The following TMED1 variants were observed in gnomAD, a reference collection of about 807,000 sequenced individuals.
TMED1 encodes transmembrane p24 trafficking protein 1, also known as transmembrane emp24 domain-containing protein 1.
TMED1 carries 20 observed loss-of-function variants against 21.2 expected under a neutral mutation model. The observed-to-expected ratio is 0.95, with a 90% CI of 0.67 to 1.37. The LOEUF is 1.37. Ranked by LOEUF, TMED1 falls within the 40% of genes most tolerant of loss-of-function variation. The probability of loss-of-function intolerance (pLI) is 0.00; values close to 1 mark genes in which losing one functional copy is unlikely to be tolerated. For missense variants in TMED1, 316 were observed against 309.8 expected (o/e 1.02, Z -0.15); for synonymous variants, 149 against 134.7 (o/e 1.11, Z -0.74).
intron 3 of TMED1, 117 bp downstream of exon 3, chr19:10,834,808 GCTACTCTTA>G: frequency 8.8e-7 from 1 of 1,140,408 alleles, no homozygotes; most frequent in East Asian, 2.4e-5. Context: ...TTTAAGAGCT[GCTACTCTTA>G]CTATAATTCA....
rs1299877808 is a variant in TMED1, at chr19:10,832,417, G to A, written c.*578C>T. Reference sequence around the variant, plus strand: ...GGTCTGTCCTGGCTGGTGTCCCTGAGCCCCAATCAGCAGGCTCTTGTGATT... The same window carrying A: ...GGTCTGTCCTGGCTGGTGTCCCTGAACCCCAATCAGCAGGCTCTTGTGATT... On this transcript the variant is annotated 3_prime_UTR_variant, in exon 4 of 4. Transcript: ENST00000214869. 1.5e-5 allele frequency: 18 copies of A among 1,190,280 alleles called. No homozygotes were observed. Among genetic ancestry groups the A allele is most frequent in the Non-Finnish European group, 1.8e-5 (16 of 900,842 alleles). 73.7% of individuals were successfully genotyped at this position (1,190,280 alleles called of 1,614,324 possible).
chr19:10,835,077 C>G lies in TMED1; in HGVS notation c.322G>C (p.Asp108His). The change falls in exon 3 of 4, where the codon GAC becomes CAC. Residue 108 changes from aspartate (D) to histidine (H), a missense_variant. Asp to His is a moderately conservative substitution (Grantham distance 81). Coordinates refer to ENST00000214869, the MANE Select transcript of TMED1 (RefSeq NM_006858.4). ...TEAGDYKLCF[D>H]NSFSTISEKL... ...TCGGAGATGGTGCTGAAGGAGTTGT[C>G]AAAGCACAGCTTGTAGTCCCCGGCC... 1 of 1,614,208 alleles carries G rather than the reference C, an allele frequency of 6.2e-7. No individual in the cohort carries two copies. The highest frequency in any genetic ancestry group is 8.5e-7 in the Non-Finnish European group (1 of 1,180,030).
At chr19:10,834,101 A>C (rs905650631) in intron 3 of TMED1, among the ~76,000 whole-genome samples, 34 of 152,242 alleles carry the variant, frequency 2.2e-4, no homozygotes, top group Admixed American at 1.6e-3. Context: ...CAGAGGTTGC[A>C]GTGAGCTGAG....
In TMED1 at chr19:10,832,979, C is replaced by T. The variant is rs1310465239; in HGVS notation, c.*16G>A. On this transcript the variant is annotated 3_prime_UTR_variant, in exon 4 of 4. Transcript: ENST00000214869. ...GCTGCCCCTCCTTTGTCCCGTTCTTCCTTCCATGGCAGGGGCTACGTGGGC... is the reference window on the plus strand; with the variant it reads ...GCTGCCCCTCCTTTGTCCCGTTCTTTCTTCCATGGCAGGGGCTACGTGGGC... 8.1e-6 allele frequency: 13 copies of T among 1,609,074 alleles called. No homozygotes were observed. Among genetic ancestry groups the T allele is most frequent in the African/African-American group, 1.3e-5 (1 of 74,946 alleles).
intron 3 of TMED1, 106 bp from the exon 4 acceptor site, chr19:10,833,319 G>T: frequency 1.1e-6 from 1 of 912,016 alleles, no homozygotes; most frequent in Non-Finnish European, 1.7e-6. Context: ...ACCCTGGGAG[G>T]TACAGCTGCA....
rs758960945 is a variant in TMED1, at chr19:10,836,142, G to T, written c.50C>A (p.Pro17Gln). 8.9e-6 allele frequency: 14 copies of T among 1,565,334 alleles called. No homozygotes were observed. The highest frequency in any genetic ancestry group is 1.2e-5 in the Non-Finnish European group (14 of 1,156,300). Residue 17 changes from proline to glutamine, a missense_variant, in exon 1 of 4, where the codon CCA (proline) becomes CAA (glutamine). Transcript: ENST00000214869. ...CCCCGCCCCTCCCACCTCCACTGGT[G>T]GCATTAGTAGCCACAAGGCCAGGGC... Reference protein sequence around the residue: ...ALALALWLLMPPVEVGGAGPP... With the variant: ...ALALALWLLMQPVEVGGAGPP...
rs1253333543 is a variant in TMED1, at chr19:10,832,984, C to T, written c.*11G>A. 2 of 1,610,136 alleles carry T rather than the reference C, an allele frequency of 1.2e-6. No homozygotes were observed. The highest frequency in any genetic ancestry group is 1.7e-5 in the Admixed American group (1 of 60,016). On this transcript the variant is annotated 3_prime_UTR_variant, in exon 4 of 4. Coordinates refer to ENST00000214869, the MANE Select transcript of TMED1 (RefSeq NM_006858.4). ...CCCTCCTTTGTCCCGTTCTTCCTTC[C>T]ATGGCAGGGGCTACGTGGGCACCGG...
intron 1 of TMED1, chr19:10,835,755 TCA>T (rs979710267): frequency 5.0e-6 from 7 of 1,414,110 alleles, no homozygotes; most frequent in East Asian, 2.6e-5. Context: ...TCCTGTCCTC[TCA>T]GAGGCTCCCT....
At chr19:10,834,296 C>T (rs1490294984) in intron 3 of TMED1, among the ~76,000 whole-genome samples, 2 of 152,114 alleles carry the variant, frequency 1.3e-5, no homozygotes, top group Non-Finnish European at 2.9e-5. Context: ...CCGTGAGTTG[C>T]TCAGCCATCT....
chr19:10,835,682 C>T, intron 1 of TMED1: 1 of 1,401,966 alleles, frequency 7.1e-7, no homozygotes, highest in Non-Finnish European at 9.3e-7. Context: ...CCGAGAAAGG[C>T]CTGTGTGGGC....
intron 1 of TMED1, chr19:10,835,671 C>A: frequency 7.1e-7 from 1 of 1,400,030 alleles, no homozygotes; most frequent in African/African-American, 1.4e-5. Context: ...TAGTCTAACC[C>A]CCGAGAAAGG....
rs1401110690 is a variant in TMED1, at chr19:10,833,187, C to T, written c.492G>A (p.Arg164=). The T allele has an allele frequency of 6.2e-7, 1 of 1,613,480 alleles. No individual in the cohort carries two copies. Among genetic ancestry groups the T allele is most frequent in the Non-Finnish European group, 8.5e-7 (1 of 1,179,932 alleles). The change falls in exon 4 of 4, where the codon CGG becomes CGA. Residue 164 remains arginine (R), a synonymous_variant. Transcript: ENST00000214869. ...IKESIETMRT[R]LERSIQMLTL... is the part of the protein sequence containing the mutation. Reference sequence around the variant, plus strand: ...TGAGCATCTGGATGCTGCGCTCCAGCCGGGTCCGCATGGTCTCAATGGACT... The same window carrying T: ...TGAGCATCTGGATGCTGCGCTCCAGTCGGGTCCGCATGGTCTCAATGGACT...
Position 10,832,809 on chromosome 19 carries a change from C to A in TMED1, c.*186G>T. ...CCGTCGGTGCAGCCACTGAGCCGTCCCTTCTACAAGCCAGAGGTGTTCCCT... is the reference window on the plus strand; with the variant it reads ...CCGTCGGTGCAGCCACTGAGCCGTCACTTCTACAAGCCAGAGGTGTTCCCT... On this transcript the variant is annotated 3_prime_UTR_variant, in exon 4 of 4. Coordinates refer to ENST00000214869, the MANE Select transcript of TMED1 (RefSeq NM_006858.4). 1.5e-6 allele frequency: 1 copy of A among 656,718 alleles called. No homozygotes were observed. Among genetic ancestry groups the A allele is most frequent in the Non-Finnish European group, 2.6e-6 (1 of 386,134 alleles). 40.7% of individuals were successfully genotyped at this position (656,718 alleles called of 1,614,324 possible). A position where few individuals can be genotyped will look rare whatever the true frequency, so the allele number is the denominator to read the frequency against.
At chr19:10,835,203 T>G (rs1398845457) in intron 2 of TMED1, 53 bp downstream of exon 2, 11 of 1,612,376 alleles carry the variant, frequency 6.8e-6, no homozygotes, top group Non-Finnish European at 9.3e-6. Context: ...TGAGGCCGCC[T>G]GGGAAGGGCA....
rs377081726 is a variant in TMED1, at chr19:10,835,404, C to G, written c.184-51G>C. 7.5e-6 allele frequency: 12 copies of G among 1,608,336 alleles called. No homozygotes were observed. The African/African-American group carries it at 1.3e-4, about 18-fold the overall frequency. On this transcript the variant is annotated intron_variant, in intron 1 of 3. Transcript: ENST00000214869. The stretch of plus-strand genomic sequence containing the variant: ...AGGGCTAGCGGTAGGCCAAGGGCGC[C>G]TGCCGAAGAGGGCTACGGCTGAACC...
At chr19:10,834,872 G>A (rs753990472) in intron 3 of TMED1, 62 bp downstream of exon 3, 2 of 1,567,888 alleles carry the variant, frequency 1.3e-6, no homozygotes, top group African/African-American at 1.4e-5. Flanking sequence ...CAGCCCAAGG[G>A]GGGCACCCCA....
At chr19:10,835,556 C>T in intron 1 of TMED1, 1 of 1,441,026 alleles carries the variant, frequency 6.9e-7, no homozygotes, top group Non-Finnish European at 9.1e-7. Context: ...GGGGTCCATA[C>T]TTTCAGCTGA....
At position 10,832,631 on chromosome 19, in the gene TMED1, G is replaced by A; in HGVS notation, c.*364C>T. The stretch of plus-strand genomic sequence containing the variant: ...TTACCAGACCTCAACCTGGCTTGGA[G>A]GGCCCAGGTTTCCTTGTTAGGCCCT... On this transcript the variant is annotated 3_prime_UTR_variant, in exon 4 of 4. Coordinates refer to ENST00000214869, the MANE Select transcript of TMED1 (RefSeq NM_006858.4). The A allele has an allele frequency of 1.8e-6, 1 of 546,728 alleles. No individual in the cohort carries two copies. The highest frequency in any genetic ancestry group is 3.3e-6 in the Non-Finnish European group (1 of 305,572). 33.9% of individuals were successfully genotyped at this position (546,728 alleles called of 1,614,324 possible). A position where few individuals can be genotyped will look rare whatever the true frequency, so the allele number is the denominator to read the frequency against.
intron 1 of TMED1, 96 bp from the exon 2 acceptor site, chr19:10,835,449 C>A: frequency 2.6e-6 from 4 of 1,556,302 alleles, no homozygotes; most frequent in South Asian, 1.1e-5. Context: ...CAATACAGAC[C>A]ACCAAGGGCT....
Sources: gnomAD v4.1 joint callset for allele counts (sites outside exome capture counted in the v4.1 genomes callset) on GRCh38, gnomAD v4.1.1 for gene constraint, MANE v1.5 for transcripts, NCBI Gene and HGNC (gene_info 2026-07-23, HGNC 2026-07-21) for gene names.